The following MAPK10 variants were observed in gnomAD, a reference collection of about 807,000 sequenced individuals.
The protein encoded by MAPK10 is mitogen-activated protein kinase 10.
In MAPK10, 25 loss-of-function variants were observed where a neutral mutation model predicts 59.3. The ratio of observed to expected loss-of-function variants is 0.42; its 90% CI spans 0.31 to 0.59. MAPK10 has a LOEUF of 0.59. Ranked by LOEUF, MAPK10 falls within the 20% of genes least tolerant of loss-of-function variation. The pLI is 0.15. For missense variants in MAPK10, 351 were observed against 568.9 expected (o/e 0.62, Z 3.90); for synonymous variants, 190 against 200.5 (o/e 0.95, Z 0.44).
At chr4:86,059,886 T>G (rs906431218) in intron 11 of MAPK10, among the ~76,000 whole-genome samples, 11 of 152,302 alleles carry the variant, frequency 7.2e-5, no homozygotes, top group African/African-American at 2.2e-4. Context: ...GAAGGCCCTA[T>G]GTTTCCTGCC....
chr4:86,102,354 A>C, intron 6 of MAPK10: 1 of 230,228 alleles, frequency 4.3e-6, no homozygotes, highest in South Asian at 1.1e-4. Context: ...AATTAAGGAC[A>C]GCTTCTTCCA....
At chr4:86,209,074 G>T (rs28463620) in intron 2 of MAPK10, among the ~76,000 whole-genome samples, 19,505 of 151,880 alleles carry the variant, frequency 0.13, 1,266 homozygotes, top group Middle Eastern at 0.14. Context: ...CCACTTGTAT[G>T]TATCTACACT....
intron 10 of MAPK10, chr4:86,065,144 C>G (rs1354313837): frequency 8.8e-6 from 1 of 114,030 alleles, no homozygotes; most frequent in African/African-American, 4.3e-5. Flanking sequence ...GAACTCTGGG[C>G]TCAAAGATCC....
intron 1 of MAPK10, among the ~76,000 whole-genome samples, chr4:86,556,956 C>T (rs930610016): frequency 1.3e-5 from 2 of 151,978 alleles, no homozygotes. Flanking sequence ...GTGGGCTGGG[C>T]AGTGAAACCC....
At chr4:86,485,241 C>T (rs377522381) in intron 1 of MAPK10, among the ~76,000 whole-genome samples, 21 of 152,174 alleles carry the variant, frequency 1.4e-4, no homozygotes, top group East Asian at 1.2e-3. Flanking sequence ...CCCAACCACA[C>T]TAAATTGATC....
In MAPK10 at chr4:86,406,776, G is replaced by A. The variant is rs140928494; in HGVS notation, c.-122+46254C>T. Reference sequence around the variant, plus strand: ...TGGTGACAGGCTGGACAGGAGAACCGCCTTAATTACAGAAATGGTCCAGTG... The same window carrying A: ...TGGTGACAGGCTGGACAGGAGAACCACCTTAATTACAGAAATGGTCCAGTG... On this transcript the variant is annotated intron_variant, in intron 1 of 13. Coordinates refer to the MAPK10 transcript ENST00000361569. Among the ~76,000 whole-genome samples, 623 of 152,282 alleles carry A rather than the reference G, an allele frequency of 4.1e-3. 1 individual carries two copies. The highest frequency in any genetic ancestry group is 0.014 in the African/African-American group (574 of 41,540).
chr4:86,293,714 G>A (rs1256477971), intron 2 of MAPK10, among the ~76,000 whole-genome samples: 1 of 152,142 alleles, frequency 6.6e-6, no homozygotes, highest in Admixed American at 6.6e-5. Context: ...GGGCAAAGGG[G>A]GAGCAGGCGT....
intron 1 of MAPK10, among the ~76,000 whole-genome samples, chr4:86,558,751 C>T (rs1261542372): frequency 6.6e-6 from 1 of 151,176 alleles, no homozygotes; most frequent in African/African-American, 2.4e-5. Context: ...ATAATTTTGA[C>T]ATGTTGCAAC....
At chr4:86,166,168 G>A (rs951497351) in intron 3 of MAPK10, among the ~76,000 whole-genome samples, 1 of 152,150 alleles carries the variant, frequency 6.6e-6, no homozygotes, top group African/African-American at 2.4e-5. Context: ...AAATTATTTC[G>A]TGTAAGAATT....
intron 1 of MAPK10, among the ~76,000 whole-genome samples, chr4:86,582,715 A>G (rs1041495090): frequency 5.3e-5 from 8 of 152,324 alleles, no homozygotes; most frequent in Middle Eastern, 3.4e-3. Context: ...AACTAAACCA[A>G]TGAGCCCTCA....
chr4:86,072,231 T>C (rs1237883071), intron 9 of MAPK10, among the ~76,000 whole-genome samples: 37 of 150,576 alleles, frequency 2.5e-4, no homozygotes, highest in Non-Finnish European at 3.0e-4. Context: ...GTGATTTTTG[T>C]ACATTGATTT....
chr4:86,475,825 C>CTAT (rs1190657092), intron 1 of MAPK10, among the ~76,000 whole-genome samples: 1 of 152,060 alleles, frequency 6.6e-6, no homozygotes, highest in Non-Finnish European at 1.5e-5. Context: ...GCCTCCTTCA[C>CTAT]TATGGGCAGC....
chr4:86,409,274 C>A (rs980478937), intron 1 of MAPK10, among the ~76,000 whole-genome samples: 1 of 152,254 alleles, frequency 6.6e-6, no homozygotes, highest in South Asian at 2.1e-4. Context: ...TGTTTTGGTA[C>A]AAGTACCATG....
intron 11 of MAPK10, among the ~76,000 whole-genome samples, chr4:86,039,182 A>G (rs1312011829): frequency 6.6e-6 from 1 of 152,200 alleles, no homozygotes; most frequent in African/African-American, 2.4e-5. Context: ...TTGAACAACT[A>G]TCCGCACACA....
intron 4 of MAPK10, among the ~76,000 whole-genome samples, chr4:86,126,303 C>T (rs902765708): frequency 1.3e-5 from 2 of 152,022 alleles, no homozygotes; most frequent in Non-Finnish European, 2.9e-5. Flanking sequence ...TCCAGGCTGA[C>T]ATTTATAAAT....
Position 86,527,981 on chromosome 4 carries a change from T to C in MAPK10, c.-263+65929A>G, listed in dbSNP as rs115428978. Among the ~76,000 whole-genome samples the C allele has an allele frequency of 9.2e-3, 1,406 of 152,148 alleles. 33 individuals are homozygous for C. Among genetic ancestry groups the C allele is most frequent in the African/African-American group, 0.033 (1,353 of 41,518 alleles). ...CCCAAGGACATAAAGATGGGAACAA[T>C]AGACTCGGGTCTATTAGAAGGGGGA... On this transcript the variant is annotated intron_variant, in intron 1 of 4. Coordinates refer to the MAPK10 transcript ENST00000502302.
chr4:86,342,035 T>C (rs1024769471), intron 2 of MAPK10, among the ~76,000 whole-genome samples: 19 of 152,170 alleles, frequency 1.2e-4, no homozygotes, highest in Non-Finnish European at 2.4e-4. Context: ...GGAGTTTACC[T>C]ACTTGACCAA....
At chr4:86,477,087 A>C (rs1753153281) in intron 1 of MAPK10, among the ~76,000 whole-genome samples, 1 of 152,170 alleles carries the variant, frequency 6.6e-6, no homozygotes, top group Non-Finnish European at 1.5e-5. Context: ...TTGCCTCAGA[A>C]GCCTACAGGA....
intron 4 of MAPK10, among the ~76,000 whole-genome samples, chr4:86,148,566 A>G (rs2065580706): frequency 6.6e-6 from 1 of 152,218 alleles, no homozygotes; most frequent in South Asian, 2.1e-4. Flanking sequence ...GACCTGGAAA[A>G]GGCAGTTGAA....
Sources: gnomAD v4.1 joint callset for allele counts (sites outside exome capture counted in the v4.1 genomes callset) on GRCh38, gnomAD v4.1.1 for gene constraint, MANE v1.5 for transcripts, NCBI Gene and HGNC (gene_info 2026-07-23, HGNC 2026-07-21) for gene names.